CNTNAP5: variants seen among roughly 807,000 people sequenced by gnomAD.
CNTNAP5 encodes the protein contactin associated protein family member 5, also known as contactin-associated protein-like 5.
In CNTNAP5, 72 loss-of-function variants were observed where a neutral mutation model predicts 150.2. The observed-to-expected ratio is 0.48, with a 90% CI of 0.40 to 0.58. The LOEUF (loss-of-function observed/expected upper bound fraction) is 0.58, where lower values mean the gene tolerates loss of function less well. Among genes scored for constraint, CNTNAP5 ranks in the 20% least tolerant of loss-of-function variants. The pLI is 0.00. For missense variants in CNTNAP5, 1,636 were observed against 1,626.2 expected, an observed-to-expected ratio of 1.01 and a Z score of -0.10; for synonymous variants, 672 against 619.8, an observed-to-expected ratio of 1.08 and a Z score of -1.25.
chr2:124,513,134 A>G (rs905606045), intron 8 of CNTNAP5, among the ~76,000 whole-genome samples: 15 of 152,092 alleles, frequency 9.9e-5, no homozygotes, highest in Non-Finnish European at 2.9e-5. Context: ...CAACAGACAT[A>G]TTTTCTCAGT....
At chr2:124,181,099 C>A (rs1573816390) in intron 1 of CNTNAP5, among the ~76,000 whole-genome samples, 1 of 151,764 alleles carries the variant, frequency 6.6e-6, no homozygotes, top group East Asian at 1.9e-4. Flanking sequence ...GAAAAGGAAC[C>A]AAGTTTCTTC....
At chr2:124,395,738 C>T (rs1221257666) in intron 3 of CNTNAP5, among the ~76,000 whole-genome samples, 2 of 152,078 alleles carry the variant, frequency 1.3e-5, no homozygotes, top group East Asian at 3.9e-4. Flanking sequence ...AAATTATTAG[C>T]ATACATGTTA....
intron 13 of CNTNAP5, among the ~76,000 whole-genome samples, chr2:124,738,366 T>G (rs888833045): frequency 3.3e-5 from 5 of 152,190 alleles, no homozygotes; most frequent in African/African-American, 1.2e-4. Flanking sequence ...TAAAGATTTA[T>G]AAGAGTGTCT....
At chr2:124,835,483 A>T (rs1464593896) in intron 19 of CNTNAP5, among the ~76,000 whole-genome samples, 1 of 152,164 alleles carries the variant, frequency 6.6e-6, no homozygotes, top group Non-Finnish European at 1.5e-5. Flanking sequence ...CCAAGACCCA[A>T]GAATGCAGGG....
intron 12 of CNTNAP5, among the ~76,000 whole-genome samples, chr2:124,625,911 A>G (rs1346936579): frequency 6.6e-6 from 1 of 152,216 alleles, no homozygotes; most frequent in African/African-American, 2.4e-5. Context: ...TAGCAACTTG[A>G]CAATGGAATC....
chr2:124,341,670 G>A (rs1192547672), intron 3 of CNTNAP5, among the ~76,000 whole-genome samples: 2 of 152,140 alleles, frequency 1.3e-5, no homozygotes, highest in Non-Finnish European at 2.9e-5. Context: ...GTTGAAGTCT[G>A]CGGCAATCTA....
chr2:124,124,042 AGCTG>A (rs1259214200), intron 1 of CNTNAP5, among the ~76,000 whole-genome samples: 6 of 152,192 alleles, frequency 3.9e-5, no homozygotes, highest in African/African-American at 1.4e-4. Context: ...AACGGAACAA[AGCTG>A]GATGGAGAAT....
intron 2 of CNTNAP5, among the ~76,000 whole-genome samples, chr2:124,241,663 A>T (rs1248357944): frequency 6.6e-6 from 1 of 152,194 alleles, no homozygotes; most frequent in Admixed American, 6.5e-5. Flanking sequence ...GATACTCTTC[A>T]AAGGCATAGT....
intron 4 of CNTNAP5, among the ~76,000 whole-genome samples, chr2:124,423,863 A>C (rs1692178006): frequency 6.9e-6 from 1 of 145,832 alleles, no homozygotes; most frequent in South Asian, 2.2e-4. Context: ...ACGGGGTTTC[A>C]CCGTGTTAGC....
chr2:124,108,672 T>A, intron 1 of CNTNAP5, among the ~76,000 whole-genome samples: 1 of 152,186 alleles, frequency 6.6e-6, no homozygotes, highest in Non-Finnish European at 1.5e-5. Context: ...CCAAATTTAG[T>A]CACTTAGATA....
intron 19 of CNTNAP5, among the ~76,000 whole-genome samples, chr2:124,816,473 C>CTTTT (rs34089178): frequency 0.015 from 1,665 of 107,616 alleles, 100 homozygotes; most frequent in African/African-American, 0.056. Flanking sequence ...TTGCAGCTTA[C>CTTTT]TTTTTTTTTT....
At chr2:124,145,837 A>AAAAAAAG (rs1558773995) in intron 1 of CNTNAP5, among the ~76,000 whole-genome samples, 26 of 46,914 alleles carry the variant, frequency 5.5e-4, no homozygotes, top group Admixed American at 1.3e-3. Flanking sequence ...AAGAAGAAAA[A>AAAAAAAG]AAAAAAAAAT....
At chr2:124,671,806 GT>G (rs1678828767) in intron 13 of CNTNAP5, among the ~76,000 whole-genome samples, 2 of 151,910 alleles carry the variant, frequency 1.3e-5, no homozygotes, top group South Asian at 2.1e-4. Flanking sequence ...TGCCTGGCTA[GT>G]TTTTGTATTT....
At chr2:124,734,751 G>A (rs1181232997) in intron 13 of CNTNAP5, among the ~76,000 whole-genome samples, 1 of 152,026 alleles carries the variant, frequency 6.6e-6, no homozygotes, top group Admixed American at 6.6e-5. Context: ...TGGATCTGCT[G>A]TAACCTAACG....
intron 7 of CNTNAP5, among the ~76,000 whole-genome samples, chr2:124,482,222 C>T (rs551105780): frequency 1.3e-5 from 2 of 152,272 alleles, no homozygotes; most frequent in African/African-American, 4.8e-5. Context: ...CCACAGATCA[C>T]GGTGCTAGCA....
chr2:124,854,067 A>T (rs1222514065), intron 19 of CNTNAP5, among the ~76,000 whole-genome samples: 1 of 152,160 alleles, frequency 6.6e-6, no homozygotes, highest in East Asian at 1.9e-4. Flanking sequence ...ATTGATGGGC[A>T]TTTGTGATGA....
At chr2:124,064,042 T>C (rs527936098) in intron 1 of CNTNAP5, among the ~76,000 whole-genome samples, 100 of 152,280 alleles carry the variant, frequency 6.6e-4, no homozygotes, top group Non-Finnish European at 1.3e-3. Flanking sequence ...CAGCCAGACT[T>C]AGGATGAAGC....
chr2:124,128,853 T>G (rs1184269002), intron 1 of CNTNAP5, among the ~76,000 whole-genome samples: 2 of 152,000 alleles, frequency 1.3e-5, no homozygotes, highest in Non-Finnish European at 2.9e-5. Context: ...TAGGTGGGAA[T>G]TGAACAATGA....
At chr2:124,088,284 C>T (rs952744859) in intron 1 of CNTNAP5, among the ~76,000 whole-genome samples, 6 of 151,960 alleles carry the variant, frequency 3.9e-5, no homozygotes, top group Non-Finnish European at 7.4e-5. Context: ...ATTATCATCT[C>T]GTTTTTTATC....
Sources: gnomAD v4.1 joint callset for allele counts (sites outside exome capture counted in the v4.1 genomes callset) on GRCh38, gnomAD v4.1.1 for gene constraint, MANE v1.5 for transcripts, NCBI Gene and HGNC (gene_info 2026-07-23, HGNC 2026-07-21) for gene names.